RTTN: variants seen among roughly 807,000 people sequenced by gnomAD.
RTTN encodes the protein rotatin.
Under a neutral mutation model 269.2 loss-of-function variants are expected in RTTN, and 182 were observed. That is an observed-to-expected ratio of 0.68 (90% confidence interval 0.60 to 0.76). RTTN has a LOEUF of 0.76. Ranked by LOEUF, RTTN falls within the 30% of genes least tolerant of loss-of-function variation. The pLI is 0.00. For synonymous variants in RTTN, 1,006 were observed against 963.5 expected (o/e 1.04, Z -0.82); for missense variants, 2,545 against 2,608.6 (o/e 0.98, Z 0.53).
intron 30 of RTTN, among the ~76,000 whole-genome samples, chr18:70,088,657 A>G (rs772926787): frequency 8.5e-5 from 13 of 152,204 alleles, no homozygotes; most frequent in Non-Finnish European, 1.9e-4. Flanking sequence ...ATGTGGTATA[A>G]TATGCTTGCT....
chr18:70,057,052 C>A (rs1337223120), intron 37 of RTTN, among the ~76,000 whole-genome samples: 2 of 152,198 alleles, frequency 1.3e-5, no homozygotes, highest in Non-Finnish European at 2.9e-5. Flanking sequence ...GCTTCAAAGA[C>A]CATGCGTGTA....
chr18:70,144,606 C>T (rs2060341520), intron 18 of RTTN, among the ~76,000 whole-genome samples: 1 of 152,188 alleles, frequency 6.6e-6, no homozygotes, highest in African/African-American at 2.4e-5. Flanking sequence ...CCTCTCCCCG[C>T]CTTCCTCCAT....
At chr18:70,069,525 G>A (rs1288485095) in intron 34 of RTTN, among the ~76,000 whole-genome samples, 3 of 152,092 alleles carry the variant, frequency 2.0e-5, no homozygotes, top group Non-Finnish European at 4.4e-5. Flanking sequence ...ACTGAAAATA[G>A]CAGAGTCATT....
intron 14 of RTTN, among the ~76,000 whole-genome samples, chr18:70,164,189 T>A (rs1169499988): frequency 6.7e-6 from 1 of 149,918 alleles, no homozygotes; most frequent in Non-Finnish European, 1.5e-5. Flanking sequence ...CAGAACATAG[T>A]TAAAATGGTA....
At chr18:70,013,130 T>C (rs982906923) in intron 46 of RTTN, among the ~76,000 whole-genome samples, 1 of 152,094 alleles carries the variant, frequency 6.6e-6, no homozygotes, top group Admixed American at 6.5e-5. Flanking sequence ...AACCAAGCCA[T>C]GTACATAGCT....
intron 46 of RTTN, among the ~76,000 whole-genome samples, chr18:70,010,734 GA>G (rs2056344288): frequency 6.6e-6 from 1 of 152,210 alleles, no homozygotes; most frequent in South Asian, 2.1e-4. Context: ...AAATAACTAA[GA>G]TCAGAGCAGA....
At chr18:70,146,667 T>C (rs1485453723) in intron 17 of RTTN, among the ~76,000 whole-genome samples, 1 of 152,188 alleles carries the variant, frequency 6.6e-6, no homozygotes. Flanking sequence ...TATCTCACTT[T>C]ATGACAATTA....
chr18:70,040,106 A>G (rs1194693546), intron 40 of RTTN, among the ~76,000 whole-genome samples: 1 of 152,226 alleles, frequency 6.6e-6, no homozygotes, highest in Non-Finnish European at 1.5e-5. Context: ...GGCAGAAGGC[A>G]GTCCCTACTT....
Position 70,109,594 on chromosome 18 carries a change from C to A in RTTN, c.3807G>T (p.Gly1269=). The stretch of plus-strand genomic sequence containing the variant: ...CCGGAAACGCAGTGAGGTTAGCCAT[C>A]CCTCGTAAGGTCCGCTCAAGGGACG... ...GLPSLERTLR[G]MANLTAFPGW... Residue 1269 remains glycine (G), a synonymous_variant, in exon 28 of 49, where the codon GGG becomes GGT. Coordinates refer to ENST00000640769, the MANE Select transcript of RTTN (RefSeq NM_173630.4). 1.2e-6 allele frequency: 2 copies of A among 1,613,974 alleles called. No individual in the cohort carries two copies. Among genetic ancestry groups the A allele is most frequent in the South Asian group, 2.2e-5 (2 of 91,076 alleles).
chr18:70,150,573 T>G (rs1179554106), intron 15 of RTTN, 35 bp downstream of exon 15: 2 of 1,597,608 alleles, frequency 1.3e-6, no homozygotes, highest in Admixed American at 3.4e-5. Context: ...GTATCTAAGT[T>G]ACTGTAATAT....
chr18:70,124,054 T>C (rs1271500851), intron 25 of RTTN, among the ~76,000 whole-genome samples: 2 of 151,738 alleles, frequency 1.3e-5, no homozygotes, highest in Admixed American at 1.3e-4. Context: ...GTCTGGACAC[T>C]GTGGCTTTTA....
chr18:70,125,472 T>C (rs957479698), intron 25 of RTTN, among the ~76,000 whole-genome samples: 1 of 151,978 alleles, frequency 6.6e-6, no homozygotes, highest in African/African-American at 2.4e-5. Context: ...GAACATTCAT[T>C]TGGATATATC....
At position 70,149,951 on chromosome 18, in the gene RTTN, A is replaced by G; in HGVS notation, c.2172+20T>C. ...AGCCAAAGATAAATGGTATCATAAA[A>G]AGTGAATTTCACAGAATACCTGTAG... On this transcript the variant is annotated intron_variant, in intron 16 of 48. Coordinates refer to ENST00000640769, the MANE Select transcript of RTTN (RefSeq NM_173630.4). The G allele has an allele frequency of 6.7e-7, 1 of 1,490,886 alleles. No individual in the cohort carries two copies. Among genetic ancestry groups the G allele is most frequent in the African/African-American group, 1.4e-5 (1 of 72,556 alleles). 92.4% of individuals were successfully genotyped at this position (1,490,886 alleles called of 1,614,324 possible).
At chr18:70,054,334 C>T in intron 37 of RTTN, 50 bp from the exon 38 acceptor site, 8 of 1,518,842 alleles carry the variant, frequency 5.3e-6, no homozygotes, top group South Asian at 2.5e-5. Context: ...ATAAAAAGCC[C>T]ATCTCAGTGA....
At chr18:70,160,816 G>T (rs1599841210) in intron 14 of RTTN, among the ~76,000 whole-genome samples, 1 of 151,814 alleles carries the variant, frequency 6.6e-6, no homozygotes, top group South Asian at 2.1e-4. Flanking sequence ...AAATCACAAT[G>T]AGAATTGTAA....
intron 13 of RTTN, chr18:70,166,705 G>T: frequency 4.9e-6 from 2 of 406,378 alleles, no homozygotes; most frequent in Non-Finnish European, 8.6e-6. Flanking sequence ...TTGATTGTAG[G>T]CATGACATTT....
chr18:70,166,865 A>C, intron 13 of RTTN, 54 bp downstream of exon 13: 2 of 1,168,378 alleles, frequency 1.7e-6, no homozygotes, highest in Non-Finnish European at 2.5e-6. Flanking sequence ...CTAAGTTTAC[A>C]CACACCCTAA....
chr18:70,174,278 C>A (rs571193960), intron 11 of RTTN, among the ~76,000 whole-genome samples: 1 of 152,100 alleles, frequency 6.6e-6, no homozygotes, highest in South Asian at 2.1e-4. Flanking sequence ...GGCAAACACA[C>A]AGAAGAGACA....
intron 16 of RTTN, 57 bp from the exon 17 acceptor site, chr18:70,149,094 A>G (rs2060471190): frequency 6.7e-7 from 1 of 1,488,458 alleles, no homozygotes; most frequent in African/African-American, 1.4e-5. Flanking sequence ...TAACTTTTCA[A>G]CTTGAAAATA....
Sources: allele counts gnomAD v4.1 joint callset (sites outside exome capture counted in the v4.1 genomes callset), GRCh38; gene constraint gnomAD v4.1.1; transcripts MANE v1.5; gene names NCBI Gene and HGNC (gene_info 2026-07-23, HGNC 2026-07-21).